Variants in IGF1R observed in about 807,000 individuals in gnomAD.
IGF1R encodes the protein insulin like growth factor 1 receptor.
Under a neutral mutation model 144.6 loss-of-function variants are expected in IGF1R, and 44 were observed. The observed-to-expected ratio is 0.30, with a 90% CI of 0.24 to 0.39. The LOEUF is 0.39. Ranked by LOEUF, IGF1R falls within the 10% of genes least tolerant of loss-of-function variation. IGF1R has a pLI of 1.00. For synonymous variants in IGF1R, 795 were observed against 722.8 expected (o/e 1.10, Z -1.60); for missense variants, 1,355 against 1,833.7 (o/e 0.74, Z 4.77).
chr15:98,944,655 T>C (rs2016485932), intron 19 of IGF1R, among the ~76,000 whole-genome samples: 1 of 152,222 alleles, frequency 6.6e-6, no homozygotes, highest in Non-Finnish European at 1.5e-5. Flanking sequence ...CTAAGAATTG[T>C]ATTGGGCTTT....
intron 1 of IGF1R, among the ~76,000 whole-genome samples, chr15:98,686,877 C>G (rs900812040): frequency 2.0e-5 from 3 of 152,254 alleles, no homozygotes; most frequent in Non-Finnish European, 4.4e-5. Context: ...GGTACATTTT[C>G]TAGGCTGGTC....
intron 2 of IGF1R, among the ~76,000 whole-genome samples, chr15:98,832,563 A>G (rs2057020630): frequency 2.0e-5 from 3 of 152,334 alleles, no homozygotes; most frequent in African/African-American, 2.4e-5. Flanking sequence ...TTTTACAGAT[A>G]TATTCACAAG....
chr15:98,815,899 G>C (rs2141467802), intron 2 of IGF1R, among the ~76,000 whole-genome samples: 1 of 152,218 alleles, frequency 6.6e-6, no homozygotes, highest in African/African-American at 2.4e-5. Context: ...CCTGGATGAG[G>C]TCTAGACCTG....
At chr15:98,932,364 C>G (rs1482981352) in intron 15 of IGF1R, among the ~76,000 whole-genome samples, 1 of 152,214 alleles carries the variant, frequency 6.6e-6, no homozygotes. Context: ...AAGCTATAAT[C>G]TGCATGTCAC....
At chr15:98,660,574 T>C (rs1470850038) in intron 1 of IGF1R, 3 of 152,240 alleles carry the variant, frequency 2.0e-5, no homozygotes, top group Non-Finnish European at 4.4e-5. Context: ...AACAAATTTA[T>C]TTTCATCTGA....
intron 2 of IGF1R, among the ~76,000 whole-genome samples, chr15:98,823,817 A>C (rs2056843531): frequency 6.6e-6 from 1 of 152,180 alleles, no homozygotes; most frequent in Non-Finnish European, 1.5e-5. Context: ...CCCAGAAAAT[A>C]TTTCTCACCC....
chr15:98,920,970 C>G (rs915012683), intron 10 of IGF1R, among the ~76,000 whole-genome samples: 1 of 152,184 alleles, frequency 6.6e-6, no homozygotes, highest in Non-Finnish European at 1.5e-5. Context: ...TGGGCTGTTC[C>G]GTTCCCTGCG....
At position 98,887,140 on chromosome 15, in the gene IGF1R, A is replaced by T. The variant is rs148317691; in HGVS notation, c.641-4185A>T. ...GATTTTTCCTGGTTGGTTTTACTGA[A>T]GTTCCTTCAGAAATAGCTCCCACCA... On this transcript the variant is annotated intron_variant, in intron 2 of 20. Coordinates refer to ENST00000650285, the MANE Select transcript of IGF1R (RefSeq NM_000875.5). Among the ~76,000 whole-genome samples the T allele has an allele frequency of 6.7e-3, 1,013 of 152,200 alleles. 9 individuals are homozygous for T. The highest frequency in any genetic ancestry group is 0.023 in the African/African-American group (974 of 41,514).
intron 2 of IGF1R, among the ~76,000 whole-genome samples, chr15:98,888,438 A>AGAGAGTGTGTGTGTGT (rs1555457179): frequency 0.014 from 2,044 of 143,420 alleles, 40 homozygotes; most frequent in Middle Eastern, 0.05. Context: ...AGAGAGAGAG[A>AGAGAGTGTGTGTGTGT]GTGTGTGTGT....
intron 2 of IGF1R, among the ~76,000 whole-genome samples, chr15:98,864,412 T>G (rs1476114298): frequency 6.6e-6 from 1 of 152,260 alleles, no homozygotes; most frequent in East Asian, 1.9e-4. Flanking sequence ...TTGAGACATC[T>G]TGGCCTGTCA....
intron 1 of IGF1R, among the ~76,000 whole-genome samples, chr15:98,676,017 A>G (rs2053033286): frequency 6.6e-6 from 1 of 151,090 alleles, no homozygotes. Flanking sequence ...TTTAGTAGAG[A>G]TGGGGTTTCC....
At position 98,964,196 on chromosome 15, in the gene IGF1R, TTCTTG is replaced by T; in HGVS notation, c.*6756_*6760del. ...CCGCAAATAATGCATTTTCTGAGTT[TTCTTG>T]TTAAAAAAAAATTTTTTTAAGTAAG... On this transcript the variant is annotated 3_prime_UTR_variant, in exon 21 of 21. Transcript: ENST00000650285. The T allele has an allele frequency of 4.3e-6, 1 of 232,982 alleles. No homozygotes were observed. The highest frequency in any genetic ancestry group is 8.5e-6 in the Non-Finnish European group (1 of 117,702). The allele number at this position is 232,982 out of a possible 1,614,324, so 14.4% of individuals were successfully genotyped here.
chr15:98,935,277 C>CT lies in IGF1R; in HGVS notation c.3187-39_3187-38insT, dbSNP rs942505201. 2 of 1,247,660 alleles carry CT rather than the reference C, an allele frequency of 1.6e-6. No homozygotes were observed. The highest frequency in any genetic ancestry group is 3.5e-5 in the African/African-American group (1 of 28,824). The allele number at this position is 1,247,660 out of a possible 1,614,324, so 77.3% of individuals were successfully genotyped here. ...ACAACACAGGCATCAGCAAGGGCCA[C>CT]CTGACCCTCTGAGTCTTTCTCTTTT... On this transcript the variant is annotated intron_variant, in intron 16 of 20. Coordinates refer to ENST00000650285, the MANE Select transcript of IGF1R (RefSeq NM_000875.5). This position sits in a 1 kb window ranked among gnomAD's most constrained non-coding sequence, Gnocchi z 4.2.
intron 20 of IGF1R, chr15:98,953,218 C>G (rs1275629549): frequency 6.6e-6 from 1 of 152,176 alleles, no homozygotes; most frequent in Non-Finnish European, 1.5e-5. Context: ...AGCTCACCAT[C>G]AGGAAGTAGC....
rs1161201397 is a variant in IGF1R, at chr15:98,680,766, C to G, written c.95-26796C>G. 3.9e-5 allele frequency among the ~76,000 whole-genome samples: 6 copies of G among 151,966 alleles called. No homozygotes were observed. The South Asian group carries it at 1.2e-3, about 32-fold the overall frequency. On this transcript the variant is annotated intron_variant, in intron 1 of 20. Transcript: ENST00000650285. ...TTTTAATTTTTTGTAGAAATGGAAT[C>G]TCACTATGTTGCCTAGGCTGGTCTT...
chr15:98,816,527 T>C (rs1287455887), intron 2 of IGF1R, among the ~76,000 whole-genome samples: 1 of 152,230 alleles, frequency 6.6e-6, no homozygotes, highest in African/African-American at 2.4e-5. Context: ...GTGTTTTCTT[T>C]GGGCAGTTCA....
At chr15:98,912,442 A>C (rs1008257548) in intron 7 of IGF1R, among the ~76,000 whole-genome samples, 5 of 152,202 alleles carry the variant, frequency 3.3e-5, no homozygotes, top group Non-Finnish European at 7.3e-5. Flanking sequence ...TGATAAATAT[A>C]AAATACCTAC....
chr15:98,707,770 C>A lies in IGF1R; in HGVS notation c.303C>A (p.Pro101=), dbSNP rs775075480. Residue 101 remains proline (P), a synonymous_variant, in exon 2 of 21, where the codon CCC becomes CCA. Transcript: ENST00000650285. The surrounding 1 kb of genome is among the most constrained non-coding windows in gnomAD (Gnocchi z 6.7). ...TCGAGAGCCTCGGAGACCTCTTCCC[C>A]AACCTCACGGTCATCCGCGGCTGGA... The part of the protein sequence containing the change: ...AGLESLGDLF[P]NLTVIRGWKL... The A allele has an allele frequency of 6.2e-7, 1 of 1,614,224 alleles. No homozygotes were observed. Among genetic ancestry groups the A allele is most frequent in the African/African-American group, 1.3e-5 (1 of 75,052 alleles).
chr15:98,777,323 C>G (rs936087557), intron 2 of IGF1R, among the ~76,000 whole-genome samples: 37 of 152,312 alleles, frequency 2.4e-4, no homozygotes, highest in African/African-American at 8.7e-4. Flanking sequence ...AATGTACTTG[C>G]CAAGGTTAAA....
Sources: gnomAD v4.1 joint callset for allele counts (sites outside exome capture counted in the v4.1 genomes callset) on GRCh38, gnomAD v4.1.1 for gene constraint, Gnocchi (gnomAD v3.1) non-coding constraint, MANE v1.5 for transcripts, NCBI Gene and HGNC (gene_info 2026-07-23, HGNC 2026-07-21) for gene names.